The following MYL4 variants were observed in gnomAD, a reference collection of about 807,000 sequenced individuals.
MYL4 encodes atrial myosin light chain 1.
Under a neutral mutation model 21.6 loss-of-function variants are expected in MYL4, and 16 were observed. That is an observed-to-expected ratio of 0.74 (90% CI 0.50 to 1.12). MYL4 has a LOEUF of 1.12. Among genes scored for constraint, MYL4 ranks in the 50% most tolerant of loss-of-function variants. MYL4 has a pLI of 0.00. For missense variants in MYL4, 249 were observed against 252.9 expected, an observed-to-expected ratio of 0.98 and a Z score of 0.11; for synonymous variants, 82 against 95.7, an observed-to-expected ratio of 0.86 and a Z score of 0.83.
At chr17:47,206,235 C>T (rs527455822), upstream of MYL4, among the ~76,000 whole-genome samples, 25 of 152,256 alleles carry the variant, frequency 1.6e-4, no homozygotes, top group South Asian at 1.7e-3. Context: ...GTCTCCGGAG[C>T]CCCATTCGGC....
chr17:47,221,888 G>A (rs2064859123), intron 4 of MYL4, 33 bp downstream of exon 4: 1 of 1,599,726 alleles, frequency 6.3e-7, no homozygotes, highest in Non-Finnish European at 8.5e-7. Flanking sequence ...AAGACCAAGT[G>A]GGAGGAATGG....
At chr17:47,216,219 A>G (rs1176280372) in intron 2 of MYL4, among the ~76,000 whole-genome samples, 4 of 152,002 alleles carry the variant, frequency 2.6e-5, no homozygotes, top group Non-Finnish European at 5.9e-5. Flanking sequence ...TGCTCTAGTA[A>G]GCAGGTGACC....
upstream of MYL4, among the ~76,000 whole-genome samples, chr17:47,200,281 T>A (rs1274992315): frequency 2.6e-5 from 4 of 151,770 alleles, no homozygotes; most frequent in African/African-American, 9.7e-5. Context: ...TAAAAATATA[T>A]CCCCAATTGC....
At chr17:47,218,965 A>G (rs1380377697) in intron 2 of MYL4, among the ~76,000 whole-genome samples, 1 of 152,216 alleles carries the variant, frequency 6.6e-6, no homozygotes, top group Non-Finnish European at 1.5e-5. Context: ...AAACAGCTGT[A>G]ACCACAATTT....
intron 4 of MYL4, 61 bp downstream of exon 4, chr17:47,221,916 A>C (rs1433957586): frequency 6.4e-7 from 1 of 1,562,488 alleles, no homozygotes; most frequent in East Asian, 2.3e-5. Flanking sequence ...GGAGGTGCCA[A>C]GGTGACATAT....
At chr17:47,218,454 C>T (rs2064831204) in intron 2 of MYL4, among the ~76,000 whole-genome samples, 1 of 152,106 alleles carries the variant, frequency 6.6e-6, no homozygotes, top group South Asian at 2.1e-4. Flanking sequence ...CCTCCCAGGC[C>T]AAATTACCTC....
upstream of MYL4, among the ~76,000 whole-genome samples, chr17:47,208,014 A>T (rs187391959): frequency 1.1e-3 from 167 of 152,340 alleles, no homozygotes; most frequent in Admixed American, 2.0e-3. Context: ...AGACTCAGAC[A>T]TATCTACATC....
At chr17:47,222,265 A>C (rs2064861889) in intron 4 of MYL4, 115 bp from the exon 5 acceptor site, 2 of 1,031,578 alleles carry the variant, frequency 1.9e-6, no homozygotes, top group Admixed American at 1.7e-5. Context: ...GGTTTGAACC[A>C]CCTCCCAGAT....
chr17:47,200,899 C>T (rs1008875759), intron 1 of MYL4, among the ~76,000 whole-genome samples: 2 of 152,228 alleles, frequency 1.3e-5, no homozygotes, highest in East Asian at 3.8e-4. Flanking sequence ...TGGCTGGGCG[C>T]TATGGCTCAT....
intron 2 of MYL4, among the ~76,000 whole-genome samples, chr17:47,214,115 A>T (rs1300842947): frequency 1.3e-5 from 2 of 152,222 alleles, no homozygotes; most frequent in Non-Finnish European, 2.9e-5. Context: ...GCCCAGTCTC[A>T]CATGGCAGTC....
At chr17:47,200,631 T>A (rs1473960538) in intron 1 of MYL4, 1 of 152,240 alleles carries the variant, frequency 6.6e-6, no homozygotes, top group Non-Finnish European at 1.5e-5. Context: ...ACTATAAATC[T>A]CTGCCAAACA....
chr17:47,218,041 CA>C (rs1200148257), intron 2 of MYL4, among the ~76,000 whole-genome samples: 160 of 61,908 alleles, frequency 2.6e-3, no homozygotes, highest in Middle Eastern at 0.011. Context: ...AACTCCATCT[CA>C]AAAAAAAAAA....
In MYL4 at chr17:47,221,760, C is replaced by G; in HGVS notation, c.392C>G (p.Thr131Ser). 6.2e-7 allele frequency: 1 copy of G among 1,614,158 alleles called. No homozygotes were observed. Among genetic ancestry groups the G allele is most frequent in the Non-Finnish European group, 8.5e-7 (1 of 1,180,030 alleles). Residue 131 changes from threonine (T) to serine (S), a missense_variant, in exon 4 of 7, where the codon ACC becomes AGC. Coordinates refer to ENST00000393450, the MANE Select transcript of MYL4 (RefSeq NM_002476.2). ...QHISRNKEQG[T>S]YEDFVEGLRV... The stretch of plus-strand genomic sequence containing the variant: ...ATTTCCCGCAACAAGGAGCAGGGCA[C>G]CTATGAGGACTTCGTGGAGGGCCTG...
chr17:47,226,705 C>T (rs986426307), downstream of MYL4, among the ~76,000 whole-genome samples: 2 of 152,234 alleles, frequency 1.3e-5, no homozygotes, highest in South Asian at 4.1e-4. Flanking sequence ...CCCTGGCTGG[C>T]ACAGCCGGCA....
chr17:47,213,919 G>C, intron 2 of MYL4, 93 bp downstream of exon 2: 1 of 1,394,272 alleles, frequency 7.2e-7, no homozygotes, highest in Non-Finnish European at 1.0e-6. Context: ...TTGTCCTCAT[G>C]GTAATAGTAA....
intron 6 of MYL4, 108 bp downstream of exon 6, chr17:47,223,165 A>T: frequency 1.1e-5 from 13 of 1,162,114 alleles, no homozygotes; most frequent in Non-Finnish European, 1.6e-5. Context: ...CCTTAAGAGG[A>T]AACCTCTTGG....
At chr17:47,203,436 T>G (rs117154502) in intron 1 of MYL4, among the ~76,000 whole-genome samples, 5,775 of 152,194 alleles carry the variant, frequency 0.038, 174 homozygotes, top group Non-Finnish European at 0.054. Flanking sequence ...TTCAAATCTA[T>G]TATGTGCTCT....
At chr17:47,194,472 C>G in the MYL4 span, among the ~76,000 whole-genome samples, 1 of 152,180 alleles carries the variant, frequency 6.6e-6, no homozygotes, top group African/African-American at 2.4e-5. Flanking sequence ...ATATTATTCT[C>G]AAAATAATCC....
chr17:47,202,135 GC>G (rs1430748075), intron 1 of MYL4, among the ~76,000 whole-genome samples: 1 of 152,054 alleles, frequency 6.6e-6, no homozygotes, highest in African/African-American at 2.4e-5. Flanking sequence ...ACAGGCACGT[GC>G]CACCACGCCC....
Sources: gnomAD v4.1 joint callset for allele counts (sites outside exome capture counted in the v4.1 genomes callset) on GRCh38, gnomAD v4.1.1 for gene constraint, MANE v1.5 for transcripts, NCBI Gene and HGNC (gene_info 2026-07-23, HGNC 2026-07-21) for gene names.